Variants in XPO7 observed in about 807,000 individuals in gnomAD.
The protein encoded by XPO7 is exportin 7.
In XPO7, 21 loss-of-function variants were observed where a neutral mutation model predicts 144.3. That is an observed-to-expected ratio of 0.15 (90% confidence interval 0.10 to 0.21). XPO7 has a LOEUF of 0.21. Among genes scored for constraint, XPO7 ranks in the 10% least tolerant of loss-of-function variants. The pLI, the probability that XPO7 is intolerant of heterozygous loss-of-function variation, is 1.00. For synonymous variants in XPO7, 580 were observed against 499.6 expected (o/e 1.16, Z -2.15); for missense variants, 808 against 1,325.8 (o/e 0.61, Z 6.06).
At chr8:21,968,127 T>C (rs184417176) in intron 2 of XPO7, among the ~76,000 whole-genome samples, 26 of 152,222 alleles carry the variant, frequency 1.7e-4, no homozygotes, top group Non-Finnish European at 1.3e-4. Context: ...ATCATTCTTG[T>C]GTGTGTGGAA....
chr8:21,933,211 C>A (rs1810712611), intron 1 of XPO7, among the ~76,000 whole-genome samples: 1 of 150,878 alleles, frequency 6.6e-6, no homozygotes, highest in African/African-American at 2.4e-5. Context: ...AGTGATTCTC[C>A]TGTCTCAGCC....
chr8:21,942,043 G>A (rs1178328979), intron 1 of XPO7, among the ~76,000 whole-genome samples: 1 of 152,060 alleles, frequency 6.6e-6, no homozygotes, highest in Non-Finnish European at 1.5e-5. Flanking sequence ...GGGAGGGGAG[G>A]GTGTTATGTA....
At chr8:21,940,846 A>G (rs1810967470) in intron 1 of XPO7, among the ~76,000 whole-genome samples, 1 of 152,112 alleles carries the variant, frequency 6.6e-6, no homozygotes, top group South Asian at 2.1e-4. Context: ...TAGGCGGGGT[A>G]GAACCTCAGT....
At chr8:21,975,628 T>G (rs189495870) in intron 6 of XPO7, among the ~76,000 whole-genome samples, 166 of 152,362 alleles carry the variant, frequency 1.1e-3, no homozygotes, top group African/African-American at 3.8e-3. Context: ...TAGTTTTACC[T>G]TAGAATTCCC....
In XPO7 at chr8:22,003,893, T is replaced by C. The variant is rs764056222; in HGVS notation, c.3043-10T>C. 10 of 1,613,650 alleles carry C rather than the reference T, an allele frequency of 6.2e-6. No individual in the cohort carries two copies. In the East Asian group the frequency reaches 1.3e-4, roughly 22 times the overall value. ...TTCTCTAACCTTCTGTTCCACTCCT[T>C]GCCCCACAGTATTTTTCTGACCTAA... On this transcript the variant is annotated splice_polypyrimidine_tract_variant and intron_variant, in intron 26 of 27. Coordinates refer to ENST00000252512, the MANE Select transcript of XPO7 (RefSeq NM_015024.5).
intron 1 of XPO7, among the ~76,000 whole-genome samples, chr8:21,929,630 C>G (rs957640839): frequency 2.0e-5 from 3 of 152,166 alleles, no homozygotes; most frequent in African/African-American, 7.2e-5. Flanking sequence ...CACTAGCAAT[C>G]GTAGTTCTCT....
intron 1 of XPO7, 90 bp downstream of exon 1, chr8:21,919,878 C>A: frequency 3.3e-6 from 1 of 301,580 alleles, no homozygotes. Flanking sequence ...CCAGCCGGCT[C>A]GGGACTCGGC....
chr8:21,978,897 C>G (rs904540421), intron 8 of XPO7, among the ~76,000 whole-genome samples: 4 of 152,180 alleles, frequency 2.6e-5, no homozygotes, highest in African/African-American at 4.8e-5. Flanking sequence ...CAACTAGAAG[C>G]CAGAGGGCAA....
At chr8:21,953,938 T>C (rs974759070) in intron 1 of XPO7, among the ~76,000 whole-genome samples, 9 of 152,210 alleles carry the variant, frequency 5.9e-5, no homozygotes, top group Non-Finnish European at 1.2e-4. Flanking sequence ...TTTTCTCCCA[T>C]TTGGTAACTA....
intron 1 of XPO7, among the ~76,000 whole-genome samples, chr8:21,948,543 A>G (rs1226617817): frequency 6.6e-6 from 1 of 152,220 alleles, no homozygotes; most frequent in Admixed American, 6.5e-5. Context: ...CGATAACGCA[A>G]GGCATGACTA....
chr8:21,991,793 C>G lies in XPO7; in HGVS notation c.2042-75C>G, dbSNP rs1227247976. The G allele has an allele frequency of 2.5e-6, 3 of 1,205,478 alleles. No homozygotes were observed. The African/African-American group carries it at 4.6e-5, about 19-fold the overall frequency. 74.7% of individuals were successfully genotyped at this position (1,205,478 alleles called of 1,614,324 possible). A position where few individuals can be genotyped will look rare whatever the true frequency, so the allele number is the denominator to read the frequency against. On this transcript the variant is annotated intron_variant, in intron 18 of 27. Transcript: ENST00000252512. ...AGTTCCCCTGGGTTTGCTCCTCTTT[C>G]ATCCCATCTTCCCATATATGCACAG...
chr8:21,971,511 C>G (rs191587247), intron 4 of XPO7, among the ~76,000 whole-genome samples: 157 of 152,296 alleles, frequency 1.0e-3, no homozygotes, highest in African/African-American at 3.6e-3. Flanking sequence ...CACACTTCCT[C>G]AGATTCTTTG....
intron 4 of XPO7, among the ~76,000 whole-genome samples, chr8:21,971,590 T>C (rs1300327495): frequency 6.6e-6 from 1 of 152,240 alleles, no homozygotes; most frequent in East Asian, 1.9e-4. Flanking sequence ...TGATGTGTTT[T>C]GCAATTTACC....
In XPO7 at chr8:21,939,463, C is replaced by T. The variant is rs188501220; in HGVS notation, c.18+19675C>T. ...CTCAAACTCCCAACCTCAGGTGATC[C>T]GTCTGCCTCAGCCTCCCAAAGTGCT... On this transcript the variant is annotated intron_variant, in intron 1 of 27. Coordinates refer to ENST00000252512, the MANE Select transcript of XPO7 (RefSeq NM_015024.5). Among the ~76,000 whole-genome samples, 13 of 152,174 alleles carry T rather than the reference C, an allele frequency of 8.5e-5. No individual in the cohort carries two copies. In the East Asian group the frequency reaches 2.3e-3, roughly 27 times the overall value.
chr8:21,982,180 A>C (rs1812428579), intron 10 of XPO7, among the ~76,000 whole-genome samples: 1 of 152,184 alleles, frequency 6.6e-6, no homozygotes, highest in Admixed American at 6.5e-5. Flanking sequence ...GTAAAAAGAG[A>C]GTTGATGCCC....
chr8:21,925,021 G>A (rs543596804), intron 1 of XPO7, among the ~76,000 whole-genome samples: 1 of 152,350 alleles, frequency 6.6e-6, no homozygotes, highest in South Asian at 2.1e-4. Flanking sequence ...TGGTCATTGA[G>A]TTGTGAATTT....
chr8:21,926,701 C>G (rs1005221704), intron 1 of XPO7, among the ~76,000 whole-genome samples: 4 of 152,032 alleles, frequency 2.6e-5, no homozygotes, highest in Middle Eastern at 6.8e-3. Flanking sequence ...TGAAAAAGAT[C>G]TGGGAAACCT....
chr8:22,003,406 A>C (rs775225107), intron 26 of XPO7, 89 bp downstream of exon 26: 8 of 1,011,316 alleles, frequency 7.9e-6, no homozygotes, highest in Non-Finnish European at 1.0e-5. Context: ...TGTGTATAGA[A>C]ACACCCCACG....
intron 7 of XPO7, 129 bp from the exon 8 acceptor site, chr8:21,977,641 C>A: frequency 1.2e-6 from 1 of 849,518 alleles, no homozygotes; most frequent in Non-Finnish European, 1.8e-6. Flanking sequence ...TTATCACTTC[C>A]AAAGGAAATA....
Sources: allele counts gnomAD v4.1 joint callset (sites outside exome capture counted in the v4.1 genomes callset), GRCh38; gene constraint gnomAD v4.1.1; transcripts MANE v1.5; gene names NCBI Gene and HGNC (gene_info 2026-07-23, HGNC 2026-07-21).